Variants in OXCT1 observed in about 807,000 individuals in gnomAD.
OXCT1 encodes succinyl-CoA:3-ketoacid coenzyme A transferase 1, mitochondrial.
OXCT1 carries 27 observed loss-of-function variants against 69.6 expected under a neutral mutation model. That is an observed-to-expected ratio of 0.39 (90% CI 0.29 to 0.54). The LOEUF (loss-of-function observed/expected upper bound fraction) is 0.54. Ranked by LOEUF, OXCT1 falls within the 20% of genes least tolerant of loss-of-function variation. The pLI, the probability that OXCT1 is intolerant of heterozygous loss-of-function variation, is 0.72. For missense variants in OXCT1, 437 were observed against 650.2 expected (o/e 0.67, Z 3.57); for synonymous variants, 202 against 217.8 (o/e 0.93, Z 0.64).
intron 1 of OXCT1, among the ~76,000 whole-genome samples, chr5:41,866,937 C>T (rs534163841): frequency 1.3e-5 from 2 of 152,200 alleles, no homozygotes; most frequent in East Asian, 1.9e-4. Context: ...AAGAGTTCAG[C>T]GATATGAAAA....
At chr5:41,787,444 G>A (rs1256071654) in intron 13 of OXCT1, among the ~76,000 whole-genome samples, 3 of 151,966 alleles carry the variant, frequency 2.0e-5, no homozygotes, top group Non-Finnish European at 4.4e-5. Context: ...CAGCAATTTT[G>A]TTGGCTTCAG....
chr5:41,799,406 GAATT>G (rs1388067312), intron 11 of OXCT1, among the ~76,000 whole-genome samples: 2 of 152,128 alleles, frequency 1.3e-5, no homozygotes. Context: ...CATAAGCAAT[GAATT>G]CTTGCTTTGT....
In OXCT1 at chr5:41,759,102, A is replaced by C. The variant is rs114489723; in HGVS notation, c.1338+3009T>G. On this transcript the variant is annotated intron_variant, in intron 14 of 16. Transcript: ENST00000196371. ...GTCCAGGGAAAATGAAAAAAAAAAA[A>C]AAAAACCTGAAGCTTCCTGAAAGGG... Among the ~76,000 whole-genome samples, 577 of 151,876 alleles carry C rather than the reference A, an allele frequency of 3.8e-3. 2 individuals carry two copies. Among genetic ancestry groups the C allele is most frequent in the African/African-American group, 0.013 (551 of 41,434 alleles).
intron 7 of OXCT1, among the ~76,000 whole-genome samples, chr5:41,836,621 T>A (rs147139499): frequency 0.012 from 1,768 of 152,174 alleles, 36 homozygotes; most frequent in African/African-American, 0.041. Flanking sequence ...CCACCTCAGA[T>A]CATCAGGCGT....
At position 41,731,672 on chromosome 5, in the gene OXCT1, A is replaced by C; in HGVS notation, c.*57T>G. Reference sequence around the variant, plus strand: ...AATTATGATTATTGATGTCCTTTCAATTAAATCTTGTGTGTTTAAAATGAA... The same window carrying C: ...AATTATGATTATTGATGTCCTTTCACTTAAATCTTGTGTGTTTAAAATGAA... On this transcript the variant is annotated 3_prime_UTR_variant, in exon 17 of 17. Transcript: ENST00000196371. The C allele has an allele frequency of 6.4e-7, 1 of 1,567,186 alleles. No individual in the cohort carries two copies. Among genetic ancestry groups the C allele is most frequent in the Non-Finnish European group, 8.7e-7 (1 of 1,153,918 alleles).
chr5:41,766,824 AT>A (rs1423070906), intron 13 of OXCT1, among the ~76,000 whole-genome samples: 1 of 152,166 alleles, frequency 6.6e-6, no homozygotes, highest in Non-Finnish European at 1.5e-5. Context: ...AATTTATAAT[AT>A]ATAGAAACAA....
chr5:41,868,200 TGTTTA>T (rs1750089988), intron 1 of OXCT1, among the ~76,000 whole-genome samples: 1 of 152,264 alleles, frequency 6.6e-6, no homozygotes, highest in South Asian at 2.1e-4. Context: ...CTGTTAGTTA[TGTTTA>T]GTGGAAAAAC....
intron 3 of OXCT1, among the ~76,000 whole-genome samples, chr5:41,860,604 A>G (rs1157831603): frequency 6.6e-6 from 1 of 152,210 alleles, no homozygotes; most frequent in Non-Finnish European, 1.5e-5. Context: ...AACTGCTTTT[A>G]TAATTGGCTA....
chr5:41,782,064 C>T (rs1314934347), intron 13 of OXCT1, among the ~76,000 whole-genome samples: 3 of 151,940 alleles, frequency 2.0e-5, no homozygotes, highest in Admixed American at 6.6e-5. Flanking sequence ...AATTTACACT[C>T]CCACCAACAG....
chr5:41,761,537 A>G (rs1744346076), intron 14 of OXCT1, among the ~76,000 whole-genome samples: 1 of 152,154 alleles, frequency 6.6e-6, no homozygotes, highest in Non-Finnish European at 1.5e-5. Flanking sequence ...TCACTGCCAC[A>G]TCCTAGCATG....
chr5:41,777,540 G>C lies in OXCT1; in HGVS notation c.1249-15340C>G, dbSNP rs760278405. Among the ~76,000 whole-genome samples, 5 of 152,150 alleles carry C rather than the reference G, an allele frequency of 3.3e-5. 1 individual carries two copies. Among genetic ancestry groups the C allele is most frequent in the African/African-American group, 9.7e-5 (4 of 41,436 alleles). On this transcript the variant is annotated intron_variant, in intron 13 of 16. Coordinates refer to ENST00000196371, the MANE Select transcript of OXCT1 (RefSeq NM_000436.4). ...AAGAGGTAATCGAATCCCCATAAAA[G>C]ATGCTTCCTATTTTAAAATGTCCAT... is the stretch of plus-strand genomic sequence containing the variant.
At chr5:41,787,657 A>AAAAC (rs1745707254) in intron 13 of OXCT1, among the ~76,000 whole-genome samples, 1 of 150,274 alleles carries the variant, frequency 6.7e-6, no homozygotes, top group Non-Finnish European at 1.5e-5. Context: ...AAAAAAAAAA[A>AAAAC]AGCCCAAAAC....
rs559787126 is a variant in OXCT1, at chr5:41,870,112, G to A, written c.78+169C>T. The A allele has an allele frequency of 2.8e-5, 19 of 685,996 alleles. No individual in the cohort carries two copies. In the East Asian group the frequency reaches 5.2e-4, roughly 19 times the overall value. 42.5% of individuals were successfully genotyped at this position (685,996 alleles called of 1,614,324 possible). A position where few individuals can be genotyped will look rare whatever the true frequency, so the allele number is the denominator to read the frequency against. ...GCAAAGGCGGTCATCCGAGGGGCCGGCGAGGCCAGGAACGCGTCGCCGCGT... is the reference window on the plus strand; with the variant it reads ...GCAAAGGCGGTCATCCGAGGGGCCGACGAGGCCAGGAACGCGTCGCCGCGT... On this transcript the variant is annotated intron_variant, in intron 1 of 16. Transcript: ENST00000196371. The surrounding 1 kb of genome is among the most constrained non-coding windows in gnomAD (Gnocchi z 4.2).
chr5:41,777,599 A>G (rs1022201029), intron 13 of OXCT1, among the ~76,000 whole-genome samples: 2 of 152,160 alleles, frequency 1.3e-5, no homozygotes, highest in Non-Finnish European at 2.9e-5. Context: ...TTTCTTTCTT[A>G]TTGTTCCTAA....
chr5:41,862,772 A>T, intron 1 of OXCT1, 22 bp from the exon 2 acceptor site: 1 of 1,348,138 alleles, frequency 7.4e-7, no homozygotes. Flanking sequence ...AAAAAAAAAA[A>T]TTGATAATCA....
intron 7 of OXCT1, among the ~76,000 whole-genome samples, chr5:41,825,636 G>C (rs1189875850): frequency 1.3e-5 from 2 of 152,092 alleles, no homozygotes; most frequent in Non-Finnish European, 2.9e-5. Context: ...AGTATCTGAG[G>C]CCCTCTTTAT....
chr5:41,771,412 T>G (rs907258589), intron 13 of OXCT1, among the ~76,000 whole-genome samples: 1 of 152,122 alleles, frequency 6.6e-6, no homozygotes, highest in Non-Finnish European at 1.5e-5. Flanking sequence ...TGTGACAAAG[T>G]TTTTTTTGTT....
chr5:41,779,201 C>A (rs888865529), intron 13 of OXCT1, among the ~76,000 whole-genome samples: 65 of 152,264 alleles, frequency 4.3e-4, no homozygotes, highest in African/African-American at 1.5e-3. Context: ...ATAGTAGCAT[C>A]TTTAGAAATG....
chr5:41,764,885 T>TAAGA (rs1467811966), intron 13 of OXCT1, among the ~76,000 whole-genome samples: 45 of 152,178 alleles, frequency 3.0e-4, no homozygotes, highest in African/African-American at 1.1e-3. Context: ...CTGTGAAAGA[T>TAAGA]AAGAGCAGTA....
Sources: gnomAD v4.1 joint callset for allele counts (sites outside exome capture counted in the v4.1 genomes callset) on GRCh38, gnomAD v4.1.1 for gene constraint, Gnocchi (gnomAD v3.1) non-coding constraint, MANE v1.5 for transcripts, NCBI Gene and HGNC (gene_info 2026-07-23, HGNC 2026-07-21) for gene names.